The following ENOX2 variants were observed in gnomAD, a reference collection of about 807,000 sequenced individuals.
The protein encoded by ENOX2 is APK1 antigen.
ENOX2 carries 36 observed loss-of-function variants against 45.0 expected under a neutral mutation model. The observed-to-expected ratio is 0.80, with a 90% CI of 0.61 to 1.06. The LOEUF is 1.06. Ranked by LOEUF, ENOX2 falls within the 50% of genes least tolerant of loss-of-function variation. ENOX2 has a pLI of 0.00. For missense variants in ENOX2, 423 were observed against 462.5 expected (o/e 0.91, Z 0.78); for synonymous variants, 174 against 152.3 (o/e 1.14, Z -1.05).
At chrX:130,636,736 T>C (rs763253498) in intron 11 of ENOX2, among the ~76,000 whole-genome samples, 1 of 112,881 alleles carries the variant, frequency 8.9e-6, no homozygotes, top group African/African-American at 3.2e-5. Flanking sequence ...AAAAACAAGT[T>C]GGTATTATGT....
intron 6 of ENOX2, among the ~76,000 whole-genome samples, chrX:130,670,771 A>G (rs1221608237): frequency 9.2e-6 from 1 of 109,062 alleles, no homozygotes; most frequent in Non-Finnish European, 1.9e-5. Context: ...CCCAGGTGAC[A>G]TATAATTTGG....
At chrX:130,785,737 T>C (rs2076960039) in intron 2 of ENOX2, among the ~76,000 whole-genome samples, 1 of 112,550 alleles carries the variant, frequency 8.9e-6, no homozygotes, top group Admixed American at 9.4e-5. Context: ...GAGTCAAATA[T>C]GATTAATATA....
intron 2 of ENOX2, among the ~76,000 whole-genome samples, chrX:130,812,021 G>A (rs1460859486): frequency 2.7e-5 from 3 of 110,404 alleles, no homozygotes; most frequent in Non-Finnish European, 5.7e-5. Flanking sequence ...ACAGTAAGAG[G>A]AAAAAAAAGA....
chrX:130,834,945 C>T (rs2077904248), intron 2 of ENOX2, among the ~76,000 whole-genome samples: 1 of 111,389 alleles, frequency 9.0e-6, no homozygotes, highest in African/African-American at 3.3e-5. Context: ...AGTGTCTCCT[C>T]CACCATAGAG....
At chrX:130,659,045 G>A (rs2036617308) in intron 9 of ENOX2, among the ~76,000 whole-genome samples, 1 of 111,974 alleles carries the variant, frequency 8.9e-6, no homozygotes, top group South Asian at 3.7e-4. Context: ...TCATTTAGAG[G>A]CCAATTAATG....
chrX:130,815,880 C>T (rs777256410), intron 2 of ENOX2, among the ~76,000 whole-genome samples: 13 of 111,586 alleles, frequency 1.2e-4, no homozygotes, highest in Admixed American at 1.9e-4. Flanking sequence ...ATGACAGGAT[C>T]AAATTCACAC....
Position 130,803,049 on chromosome X carries a change from T to C in ENOX2, c.-182-19359A>G, listed in dbSNP as rs5977375. Among the ~76,000 whole-genome samples the C allele has an allele frequency of 6.8e-3, 757 of 112,021 alleles. 9 individuals are homozygous for C. The highest frequency in any genetic ancestry group is 0.023 in the African/African-American group (712 of 30,923). The stretch of plus-strand genomic sequence containing the variant: ...ATTACTTATGGAACATTTCTGCAGT[T>C]TCTAGACTCCTTCTAAAATGTAAGA... On this transcript the variant is annotated intron_variant, in intron 2 of 14. Transcript: ENST00000394363.
At chrX:130,894,355 T>TAAA (rs1312204461) in intron 2 of ENOX2, among the ~76,000 whole-genome samples, 3 of 80,818 alleles carry the variant, frequency 3.7e-5, no homozygotes, top group Non-Finnish European at 7.3e-5. Flanking sequence ...AAGTAAAATT[T>TAAA]AAAAAAAAAA....
intron 2 of ENOX2, among the ~76,000 whole-genome samples, chrX:130,859,661 C>T (rs2078378264): frequency 9.0e-6 from 1 of 111,691 alleles, no homozygotes; most frequent in South Asian, 3.8e-4. Context: ...GTGTTTTGAG[C>T]AAGGGAGTGA....
chrX:130,761,430 T>C (rs976625600), intron 3 of ENOX2, among the ~76,000 whole-genome samples: 1 of 112,193 alleles, frequency 8.9e-6, no homozygotes, highest in Non-Finnish European at 1.9e-5. Flanking sequence ...GTTCATTTCA[T>C]GTATGTTGTC....
At chrX:130,813,228 C>T (rs1275181483) in intron 2 of ENOX2, among the ~76,000 whole-genome samples, 2 of 111,945 alleles carry the variant, frequency 1.8e-5, no homozygotes, top group Admixed American at 1.9e-4. Flanking sequence ...GAAATAAATC[C>T]ATTCCTTTAA....
chrX:130,663,086 T>A (rs191399761), intron 9 of ENOX2, among the ~76,000 whole-genome samples: 1 of 112,246 alleles, frequency 8.9e-6, no homozygotes, highest in African/African-American at 3.2e-5. Flanking sequence ...CTACTGTGAG[T>A]CTAATTAAAC....
intron 2 of ENOX2, among the ~76,000 whole-genome samples, chrX:130,866,859 AT>A (rs998375404): frequency 2.3e-4 from 24 of 103,782 alleles, no homozygotes; most frequent in East Asian, 8.9e-4. Flanking sequence ...TGTTAACCCC[AT>A]TTTTTTTTTA....
chrX:130,817,133 T>A (rs753238677), intron 2 of ENOX2, among the ~76,000 whole-genome samples: 2 of 111,934 alleles, frequency 1.8e-5, no homozygotes, highest in Non-Finnish European at 3.8e-5. Context: ...GAGAATAGTA[T>A]AAACACCTCT....
At chrX:130,862,222 C>T (rs184516636) in intron 2 of ENOX2, among the ~76,000 whole-genome samples, 1 of 111,358 alleles carries the variant, frequency 9.0e-6, no homozygotes, top group Admixed American at 9.6e-5. Flanking sequence ...TGTTCATTCA[C>T]TCTGCTCTAG....
intron 3 of ENOX2, among the ~76,000 whole-genome samples, chrX:130,719,736 T>C (rs1392085869): frequency 1.8e-5 from 2 of 111,931 alleles, no homozygotes; most frequent in Non-Finnish European, 3.8e-5. Flanking sequence ...AGAAATGCAA[T>C]ACAGTGGGAA....
chrX:130,715,667 G>A (rs1036538435), intron 3 of ENOX2, among the ~76,000 whole-genome samples: 2 of 110,263 alleles, frequency 1.8e-5, no homozygotes, highest in African/African-American at 3.3e-5. Flanking sequence ...AATGCTGAAC[G>A]ATGCTGAATG....
At chrX:130,822,543 C>T (rs770124667) in intron 2 of ENOX2, among the ~76,000 whole-genome samples, 7 of 110,406 alleles carry the variant, frequency 6.3e-5, no homozygotes, top group African/African-American at 2.0e-4. Flanking sequence ...AACCAAACAC[C>T]GCATGTTCTC....
intron 2 of ENOX2, among the ~76,000 whole-genome samples, chrX:130,839,963 T>A (rs1454937497): frequency 2.7e-5 from 3 of 111,753 alleles, no homozygotes; most frequent in African/African-American, 9.7e-5. Context: ...AATTTCAATG[T>A]ATGGGCTGAC....
Sources: allele counts gnomAD v4.1 joint callset (sites outside exome capture counted in the v4.1 genomes callset), GRCh38; gene constraint gnomAD v4.1.1; transcripts MANE v1.5; gene names NCBI Gene and HGNC (gene_info 2026-07-23, HGNC 2026-07-21).